The following PTPRD variants were observed in gnomAD, a reference collection of about 807,000 sequenced individuals.
PTPRD encodes protein tyrosine phosphatase receptor type D.
In PTPRD, 34 loss-of-function variants were observed where a neutral mutation model predicts 214.5. The ratio of observed to expected loss-of-function variants is 0.16; its 90% CI spans 0.12 to 0.21. The LOEUF (loss-of-function observed/expected upper bound fraction) is 0.21. Among genes scored for constraint, PTPRD ranks in the 10% least tolerant of loss-of-function variants. The pLI is 1.00. For missense variants in PTPRD, 2,545 were observed against 2,398.7 expected (o/e 1.06, Z -1.27); for synonymous variants, 1,128 against 845.7 (o/e 1.33, Z -5.79).
chr9:9,389,384 C>A (rs2065023024), intron 9 of PTPRD, among the ~76,000 whole-genome samples: 1 of 152,074 alleles, frequency 6.6e-6, no homozygotes, highest in African/African-American at 2.4e-5. Flanking sequence ...GTGGCACATG[C>A]CTGTAATCCC....
chr9:8,749,286 T>G (rs994634055), intron 11 of PTPRD, among the ~76,000 whole-genome samples: 1 of 152,094 alleles, frequency 6.6e-6, no homozygotes, highest in Non-Finnish European at 1.5e-5. Context: ...GTTCAAGCAA[T>G]TCTACATTCT....
intron 14 of PTPRD, among the ~76,000 whole-genome samples, chr9:8,544,031 T>G (rs1180375973): frequency 6.6e-6 from 1 of 151,958 alleles, no homozygotes; most frequent in Non-Finnish European, 1.5e-5. Context: ...AATTTAGTTT[T>G]ATTTTCATGG....
At chr9:10,358,054 G>A (rs952198405) in intron 2 of PTPRD, among the ~76,000 whole-genome samples, 1 of 152,086 alleles carries the variant, frequency 6.6e-6, no homozygotes, top group Non-Finnish European at 1.5e-5. Flanking sequence ...AACCTCATCA[G>A]AAGACTAATA....
chr9:9,567,165 G>C (rs1035667746), intron 8 of PTPRD, among the ~76,000 whole-genome samples: 1 of 151,982 alleles, frequency 6.6e-6, no homozygotes, highest in African/African-American at 2.4e-5. Context: ...AAATTTGAAG[G>C]AATGAAGGAA....
At chr9:9,067,797 T>C (rs2099737247) in intron 10 of PTPRD, among the ~76,000 whole-genome samples, 1 of 152,196 alleles carries the variant, frequency 6.6e-6, no homozygotes, top group Non-Finnish European at 1.5e-5. Flanking sequence ...AATCTATTGA[T>C]CTTGTCTAGA....
chr9:10,290,882 T>C (rs960008008), intron 3 of PTPRD, among the ~76,000 whole-genome samples: 2 of 152,134 alleles, frequency 1.3e-5, no homozygotes, highest in Non-Finnish European at 2.9e-5. Context: ...ATCCTACAGA[T>C]ACTGTTGAAT....
At chr9:8,834,236 G>C (rs1157492863) in intron 11 of PTPRD, among the ~76,000 whole-genome samples, 1 of 151,932 alleles carries the variant, frequency 6.6e-6, no homozygotes, top group Non-Finnish European at 1.5e-5. Flanking sequence ...TAACAGACAA[G>C]GAAGCTTTCT....
intron 8 of PTPRD, among the ~76,000 whole-genome samples, chr9:9,560,652 G>A (rs1488866237): frequency 1.3e-5 from 2 of 152,164 alleles, no homozygotes; most frequent in Non-Finnish European, 2.9e-5. Flanking sequence ...CAGTTGTCAG[G>A]TCCTAGGGTC....
At chr9:8,638,487 C>T (rs949595357) in intron 12 of PTPRD, among the ~76,000 whole-genome samples, 2 of 152,238 alleles carry the variant, frequency 1.3e-5, no homozygotes, top group East Asian at 1.9e-4. Flanking sequence ...ATATGAAATA[C>T]ATTAATTTAC....
chr9:10,278,748 T>G (rs924499007), intron 3 of PTPRD, among the ~76,000 whole-genome samples: 2 of 151,680 alleles, frequency 1.3e-5, no homozygotes, highest in Admixed American at 1.3e-4. Context: ...CTTATCTTCA[T>G]GTGTGGTAAA....
At chr9:9,448,598 T>G (rs1046639494) in intron 8 of PTPRD, among the ~76,000 whole-genome samples, 1 of 152,096 alleles carries the variant, frequency 6.6e-6, no homozygotes, top group African/African-American at 2.4e-5. Context: ...TGTATTTCTT[T>G]ACAGCAGTGT....
chr9:9,281,972 T>G (rs937128568), intron 9 of PTPRD, among the ~76,000 whole-genome samples: 12 of 151,324 alleles, frequency 7.9e-5, no homozygotes, highest in African/African-American at 2.9e-4. Context: ...GGAGAAACCA[T>G]AAATGCATAT....
At chr9:8,799,583 A>G (rs531918933) in intron 11 of PTPRD, among the ~76,000 whole-genome samples, 1 of 152,180 alleles carries the variant, frequency 6.6e-6, no homozygotes, top group Admixed American at 6.5e-5. Flanking sequence ...GTTTGTTGTT[A>G]TTTCTTTCCA....
chr9:9,028,148 A>G (rs943019847), intron 10 of PTPRD, among the ~76,000 whole-genome samples: 1 of 151,988 alleles, frequency 6.6e-6, no homozygotes, highest in African/African-American at 2.4e-5. Context: ...GATGTTGGTT[A>G]TCCCTTATCA....
Position 8,460,418 on chromosome 9 carries a change from A to G in PTPRD, c.3868T>C (p.Tyr1290His), listed in dbSNP as rs1564979317. Residue 1290 changes from tyrosine (Y) to histidine (H), a missense_variant, in exon 33 of 46, where the codon TAT becomes CAT. Coordinates refer to ENST00000381196, the MANE Select transcript of PTPRD (RefSeq NM_002839.4). ...IICIVIAILL[Y>H]KRKRAESDSR... Reference sequence around the variant, plus strand: ...AATATTGGGCAAACCTACCTTTTATAAAGAAGAATAGCAATGACAATGCAG... The same window carrying G: ...AATATTGGGCAAACCTACCTTTTATGAAGAAGAATAGCAATGACAATGCAG... The G allele has an allele frequency of 2.5e-6, 4 of 1,610,560 alleles. No individual in the cohort carries two copies. In the African/African-American group the frequency reaches 4.0e-5, roughly 16 times the overall value.
intron 3 of PTPRD, among the ~76,000 whole-genome samples, chr9:10,173,210 C>A (rs2099222283): frequency 6.6e-6 from 1 of 152,262 alleles, no homozygotes; most frequent in South Asian, 2.1e-4. Flanking sequence ...GGAGAATGCT[C>A]TTTAGCGTAT....
In PTPRD at chr9:10,385,325, A is replaced by T. The variant is rs577969321; in HGVS notation, c.-599-44308T>A. On this transcript the variant is annotated intron_variant, in intron 2 of 45. Coordinates refer to ENST00000381196, the MANE Select transcript of PTPRD (RefSeq NM_002839.4). ...CTAAACTTTAAGCTCCTTAAGGACT[A>T]TTAGAGTCTAATTAATGGTTATTTT... Among the ~76,000 whole-genome samples, 3 of 151,896 alleles carry T rather than the reference A, an allele frequency of 2.0e-5. No individual in the cohort carries two copies. The East Asian group carries it at 5.8e-4, about 30-fold the overall frequency.
intron 2 of PTPRD, among the ~76,000 whole-genome samples, chr9:10,544,754 A>T (rs1273292594): frequency 6.6e-6 from 1 of 152,198 alleles, no homozygotes; most frequent in Non-Finnish European, 1.5e-5. Context: ...CAGCTTGAAA[A>T]TAGGAATAGC....
chr9:8,496,117 T>C (rs2097260675), intron 26 of PTPRD, among the ~76,000 whole-genome samples: 1 of 151,858 alleles, frequency 6.6e-6, no homozygotes, highest in African/African-American at 2.4e-5. Flanking sequence ...TCTCAATGAC[T>C]GGTTTTGCTG....
Sources: allele counts gnomAD v4.1 joint callset (sites outside exome capture counted in the v4.1 genomes callset), GRCh38; gene constraint gnomAD v4.1.1; transcripts MANE v1.5; gene names NCBI Gene and HGNC (gene_info 2026-07-23, HGNC 2026-07-21).